The following PRKD3 variants were observed in gnomAD, a reference collection of about 807,000 sequenced individuals.
PRKD3 encodes serine/threonine-protein kinase D3.
PRKD3 carries 47 observed loss-of-function variants against 99.2 expected under a neutral mutation model. That is an observed-to-expected ratio of 0.47 (90% CI 0.38 to 0.60). PRKD3 has a LOEUF of 0.60. PRKD3 is among the 20% of genes least tolerant of loss of function. The pLI is 0.00. For synonymous variants in PRKD3, 392 were observed against 355.4 expected, an observed-to-expected ratio of 1.10 and a Z score of -1.16; for missense variants, 1,019 against 1,088.4, an observed-to-expected ratio of 0.94 and a Z score of 0.90.
chr2:37,277,466 AACGTTGC>A lies in PRKD3; in HGVS notation c.1296+393_1296+399del, dbSNP rs957771513. ...CTCGTCTTTGCTGGATCTAAAAAAA[AACGTTGC>A]ACATTTACACTAAGTTAAAGTCTAC... On this transcript the variant is annotated intron_variant, in intron 9 of 18. Coordinates refer to ENST00000234179, the MANE Select transcript of PRKD3 (RefSeq NM_005813.6). 2.4e-3 allele frequency among the ~76,000 whole-genome samples: 367 copies of A among 152,310 alleles called. 3 individuals are homozygous for A. The highest frequency in any genetic ancestry group is 8.6e-3 in the African/African-American group (356 of 41,570).
chr2:37,254,281 G>A lies in PRKD3; in HGVS notation c.2422C>T (p.Leu808=), dbSNP rs765680797. ...WREISGEAID[L]INNLLQVKMR... Reference sequence around the variant, plus strand: ...TTCACTTGAAGCAGATTGTTTATCAGATCAATTGCTAAGGGAAAAGACAAA... The same window carrying A: ...TTCACTTGAAGCAGATTGTTTATCAAATCAATTGCTAAGGGAAAAGACAAA... The change falls in exon 18 of 19, where the codon CTG becomes TTG. Residue 808 remains leucine, a synonymous_variant. Coordinates refer to ENST00000234179, the MANE Select transcript of PRKD3 (RefSeq NM_005813.6). 8.1e-6 allele frequency: 13 copies of A among 1,612,382 alleles called. No individual in the cohort carries two copies. Among genetic ancestry groups the A allele is most frequent in the Non-Finnish European group, 1.0e-5 (12 of 1,178,614 alleles).
chr2:37,266,928 G>T (rs572488709), intron 14 of PRKD3, among the ~76,000 whole-genome samples: 1 of 152,216 alleles, frequency 6.6e-6, no homozygotes, highest in Non-Finnish European at 1.5e-5. Context: ...CTAGATGACC[G>T]CCCCCAAGGG....
rs757192908 is a variant in PRKD3 at position 37,256,775 on chromosome 2, T to C, written c.2300A>G (p.Tyr767Cys). 5.6e-6 allele frequency: 9 copies of C among 1,613,676 alleles called. No individual in the cohort carries two copies. The highest frequency in any genetic ancestry group is 2.2e-5 in the East Asian group (1 of 44,824). ...LDMWSVGVII[Y>C]VSLSGTFPFN... The stretch of plus-strand genomic sequence containing the variant: ...AGGAAATGTGCCACTGAGGCTCACA[T>C]AGATGATAACTCCCACTGACCACAT... Residue 767 changes from tyrosine to cysteine, a missense_variant, in exon 17 of 19, where the codon TAT (tyrosine) becomes TGT (cysteine). Physicochemically the swap from Tyr to Cys is radical, Grantham distance 194. Around this residue, in one of 3 missense-constraint regions of PRKD3, gnomAD observed 184 missense variants for 275.1 expected, o/e 0.67. Transcript: ENST00000234179.
chr2:37,279,879 T>A lies in PRKD3; in HGVS notation c.1039A>T (p.Asn347Tyr). 1 of 1,613,216 alleles carries A rather than the reference T, an allele frequency of 6.2e-7. No homozygotes were observed. Residue 347 changes from asparagine to tyrosine, a missense_variant, in exon 8 of 19, where the codon AAT becomes TAT. By Grantham distance (143) the Asn-to-Tyr change is moderately radical. This residue lies in a region of PRKD3 where 710 missense variants were observed against 692.7 expected (regional missense o/e 1.02). Coordinates refer to ENST00000234179, the MANE Select transcript of PRKD3 (RefSeq NM_005813.6). ...DTDIPMDIDNNDINSDSSRGL... is the reference protein window; with the variant it reads ...DTDIPMDIDNYDINSDSSRGL... ...CGACTACTATCACTATTTATGTCAT[T>A]ATTGTCAATATCCATTGGTATATCT...
chr2:37,273,215 G>A (rs952914188), intron 11 of PRKD3, among the ~76,000 whole-genome samples: 4 of 152,040 alleles, frequency 2.6e-5, no homozygotes, highest in Non-Finnish European at 5.9e-5. Flanking sequence ...TAAAGAGTGT[G>A]TAAGTGCCTG....
At chr2:37,253,972 C>T (rs1329764881) in intron 18 of PRKD3, among the ~76,000 whole-genome samples, 1 of 152,114 alleles carries the variant, frequency 6.6e-6, no homozygotes. Flanking sequence ...GTGAAATGAA[C>T]ACATAGGTCT....
At chr2:37,263,689 G>A (rs776028186) in intron 14 of PRKD3, among the ~76,000 whole-genome samples, 13 of 152,148 alleles carry the variant, frequency 8.5e-5, no homozygotes, top group Non-Finnish European at 1.8e-4. Context: ...TTTGTTTGGA[G>A]AAGGGACCTT....
At position 37,316,986 on chromosome 2, in the gene PRKD3, T is replaced by C; in HGVS notation, c.-462A>G. The stretch of plus-strand genomic sequence containing the variant: ...ATTAATCTATTCAGTACTTTTCCTT[T>C]GGTTTACTAATTTGATAGGACACCT... On this transcript the variant is annotated 5_prime_UTR_variant, in exon 2 of 19. Coordinates refer to ENST00000234179, the MANE Select transcript of PRKD3 (RefSeq NM_005813.6). The C allele has an allele frequency of 1.0e-6, 1 of 987,702 alleles. No homozygotes were observed. The highest frequency in any genetic ancestry group is 1.7e-5 in the African/African-American group (1 of 57,378). 61.2% of individuals were successfully genotyped at this position (987,702 alleles called of 1,614,324 possible). A position where few individuals can be genotyped will look rare whatever the true frequency, so the allele number is the denominator to read the frequency against.
chr2:37,286,351 G>T lies in PRKD3; in HGVS notation c.736C>A (p.Pro246Thr). Residue 246 changes from proline (P) to threonine (T), a missense_variant, in exon 6 of 19, where the codon CCA becomes ACA. Coordinates refer to ENST00000234179, the MANE Select transcript of PRKD3 (RefSeq NM_005813.6). ...CTCCAAGAAGGAATTCTCTTACTTG[G>T]TTCCTGGTGGACATGTGACTATAAC... ...PSEESHVHQEPSKRIPSWSGR... is the reference protein window; with the variant it reads ...PSEESHVHQETSKRIPSWSGR... 6.2e-7 allele frequency: 1 copy of T among 1,613,834 alleles called. No homozygotes were observed. Among genetic ancestry groups the T allele is most frequent in the Non-Finnish European group, 8.5e-7 (1 of 1,179,808 alleles).
intron 11 of PRKD3, among the ~76,000 whole-genome samples, chr2:37,273,123 T>C (rs1052904849): frequency 6.6e-6 from 1 of 152,194 alleles, no homozygotes; most frequent in African/African-American, 2.4e-5. Flanking sequence ...TCTAAATTGC[T>C]TGCATTTTTA....
intron 14 of PRKD3, among the ~76,000 whole-genome samples, chr2:37,260,655 T>A (rs1462036481): frequency 6.6e-6 from 1 of 152,166 alleles, no homozygotes; most frequent in East Asian, 1.9e-4. Context: ...TTTCCTTCCT[T>A]CTCACTTGAA....
At chr2:37,283,863 T>C (rs1232486480) in intron 6 of PRKD3, among the ~76,000 whole-genome samples, 4 of 142,740 alleles carry the variant, frequency 2.8e-5, no homozygotes, top group Non-Finnish European at 6.0e-5. Flanking sequence ...GCAGCACCAC[T>C]GCACTCCAGC....
chr2:37,322,661 C>G (rs1671934693), intron 1 of PRKD3, among the ~76,000 whole-genome samples: 1 of 152,194 alleles, frequency 6.6e-6, no homozygotes, highest in Non-Finnish European at 1.5e-5. Flanking sequence ...CCACAATAAA[C>G]TAACCACAGA....
At chr2:37,275,731 T>C (rs771847529) in intron 10 of PRKD3, 36 bp downstream of exon 10, 15 of 1,563,894 alleles carry the variant, frequency 9.6e-6, no homozygotes, top group Non-Finnish European at 1.3e-5. Flanking sequence ...ATACACTATC[T>C]TAATGCTTAT....
chr2:37,287,420 CT>C (rs1670174702), intron 5 of PRKD3, among the ~76,000 whole-genome samples: 1 of 151,356 alleles, frequency 6.6e-6, no homozygotes, highest in Non-Finnish European at 1.5e-5. Flanking sequence ...CCTTGCACTT[CT>C]CTGTCTCTTG....
intron 18 of PRKD3, among the ~76,000 whole-genome samples, chr2:37,253,708 AT>A (rs1572594762): frequency 6.6e-6 from 1 of 152,210 alleles, no homozygotes; most frequent in East Asian, 1.9e-4. Context: ...GCTTATTAGG[AT>A]AATTTAGTAA....
rs1671678187 is a variant in PRKD3, at chr2:37,316,677, T to G, written c.-153A>C. 3 of 1,436,158 alleles carry G rather than the reference T, an allele frequency of 2.1e-6. No homozygotes were observed. The highest frequency in any genetic ancestry group is 1.4e-5 in the African/African-American group (1 of 69,800). 89.0% of individuals were successfully genotyped at this position (1,436,158 alleles called of 1,614,324 possible). On this transcript the variant is annotated 5_prime_UTR_variant, in exon 2 of 19. Coordinates refer to ENST00000234179, the MANE Select transcript of PRKD3 (RefSeq NM_005813.6). ...TCTGTTAAGCCACTCATGCCGATAC[T>G]TTTAAGTTTTATCAAGGAGTTGAAT...
At position 37,279,802 on chromosome 2, in the gene PRKD3, G is replaced by A. The variant is rs1669755228; in HGVS notation, c.1116C>T (p.Phe372=). 6.2e-7 allele frequency: 1 copy of A among 1,613,716 alleles called. No homozygotes were observed. The highest frequency in any genetic ancestry group is 8.5e-7 in the Non-Finnish European group (1 of 1,179,950). The change falls in exon 8 of 19, where the codon TTC becomes TTT. Residue 372 remains phenylalanine, a synonymous_variant. Transcript: ENST00000234179. ...EPSPPEDKMF[F]LDPSDLDVER... is the part of the protein sequence containing the mutation. ...CCACATCGAGATCAGATGGATCCAAGAAGAACATCTTATCTTCTGGGGGTG... is the reference window on the plus strand; with the variant it reads ...CCACATCGAGATCAGATGGATCCAAAAAGAACATCTTATCTTCTGGGGGTG...
At chr2:37,310,194 C>A (rs527316941) in intron 2 of PRKD3, among the ~76,000 whole-genome samples, 1 of 152,146 alleles carries the variant, frequency 6.6e-6, no homozygotes, top group South Asian at 2.1e-4. Flanking sequence ...TTACCACTGG[C>A]TAATTCTAAT....
Sources: allele counts gnomAD v4.1 joint callset (sites outside exome capture counted in the v4.1 genomes callset), GRCh38; gene constraint gnomAD v4.1.1; regional missense constraint gnomAD v4.1.1; transcripts MANE v1.5; gene names NCBI Gene and HGNC (gene_info 2026-07-23, HGNC 2026-07-21).